Variants in MARCHF2 observed in about 807,000 individuals in gnomAD.
The protein encoded by MARCHF2 is membrane associated ring-CH-type finger 2.
Under a neutral mutation model 24.0 loss-of-function variants are expected in MARCHF2, and 22 were observed. The ratio of observed to expected loss-of-function variants is 0.92; its 90% CI spans 0.66 to 1.31. MARCHF2 has a LOEUF of 1.31. Among genes scored for constraint, MARCHF2 ranks in the 50% most tolerant of loss-of-function variants. The pLI is 0.00. For missense variants in MARCHF2, 301 were observed against 335.3 expected, an observed-to-expected ratio of 0.90 and a Z score of 0.80; for synonymous variants, 154 against 153.0, an observed-to-expected ratio of 1.01 and a Z score of -0.05.
chr19:8,417,748 CTTTTTTTTTTTTTTTT>C (rs71175853), intron 1 of MARCHF2, among the ~76,000 whole-genome samples: 87 of 26,832 alleles, frequency 3.2e-3, no homozygotes, highest in Non-Finnish European at 2.9e-3. Flanking sequence ...AATACCCTGT[CTTTTTTTTTTTTTTTT>C]TTTTTTTTTT....
At position 8,438,414 on chromosome 19, in the gene MARCHF2, G is replaced by A; in HGVS notation, c.609G>A (p.Leu203=). The A allele has an allele frequency of 6.2e-7, 1 of 1,613,938 alleles. No individual in the cohort carries two copies. The highest frequency in any genetic ancestry group is 8.5e-7 in the Non-Finnish European group (1 of 1,180,040). Residue 203 remains leucine (L), a synonymous_variant, in exon 5 of 5, where the codon CTG becomes CTA. Transcript: ENST00000215555. ...TCTCCTTCCGCTACCACTGCCAGCT[G>A]TACTCCGAGTGGAGAAAGACCAACC... is the stretch of plus-strand genomic sequence containing the variant. The part of the protein sequence containing the change: ...TLVSFRYHCQ[L]YSEWRKTNQK...
rs145673350 is a variant in MARCHF2 at position 8,433,010 on chromosome 19, C to T, written c.582+2143C>T. On this transcript the variant is annotated intron_variant, in intron 4 of 4. Coordinates refer to ENST00000215555, the MANE Select transcript of MARCHF2 (RefSeq NM_001005415.2). Reference sequence around the variant, plus strand: ...GAGGCAGGCAGATTGCTTGAGCTTACGAGTTTGAGACCAGCCTGGGCAAAG... The same window carrying T: ...GAGGCAGGCAGATTGCTTGAGCTTATGAGTTTGAGACCAGCCTGGGCAAAG... 3.6e-3 allele frequency among the ~76,000 whole-genome samples: 546 copies of T among 150,170 alleles called. 4 individuals carry two copies. The highest frequency in any genetic ancestry group is 0.013 in the African/African-American group (512 of 40,840).
chr19:8,416,854 A>G (rs1599697816), intron 1 of MARCHF2, among the ~76,000 whole-genome samples: 1 of 152,062 alleles, frequency 6.6e-6, no homozygotes, highest in African/African-American at 2.4e-5. Context: ...GCATGAGCCA[A>G]TGCGCCAGGC....
At position 8,430,746 on chromosome 19, in the gene MARCHF2, T is replaced by C. The variant is rs769158785; in HGVS notation, c.461T>C (p.Ile154Thr). The C allele has an allele frequency of 1.6e-5, 26 of 1,611,636 alleles. No individual in the cohort carries two copies. In the South Asian group the frequency reaches 2.6e-4, roughly 16 times the overall value. ...CFLFITPLAA[I>T]SGWLCLRGAQ... The stretch of plus-strand genomic sequence containing the variant: ...CTGTTCATCACACCGCTGGCCGCCA[T>C]CTCAGGCTGGTTGTGCCTGCGCGGG... The change falls in exon 4 of 5, where the codon ATC becomes ACC. Residue 154 changes from isoleucine to threonine, a missense_variant. Ile to Thr is a moderately conservative substitution (Grantham distance 89). Coordinates refer to ENST00000215555, the MANE Select transcript of MARCHF2 (RefSeq NM_001005415.2). The surrounding 1 kb of genome is among the most constrained non-coding windows in gnomAD (Gnocchi z 4.4).
At chr19:8,427,806 A>C (rs954555986) in intron 3 of MARCHF2, 1 of 36,756 alleles carries the variant, frequency 2.7e-5, no homozygotes, top group African/African-American at 1.1e-4. Flanking sequence ...TACTAAAAAT[A>C]CAAAAAATAC....
At chr19:8,415,443 G>A (rs142553466) in intron 1 of MARCHF2, among the ~76,000 whole-genome samples, 2,476 of 150,800 alleles carry the variant, frequency 0.016, 70 homozygotes, top group African/African-American at 0.057. Context: ...AATAGGCCAG[G>A]CGCGGTGACT....
chr19:8,422,301 G>C (rs1443866051), intron 2 of MARCHF2, among the ~76,000 whole-genome samples: 2 of 152,166 alleles, frequency 1.3e-5, no homozygotes, highest in Non-Finnish European at 2.9e-5. Flanking sequence ...GCGGTCAGGA[G>C]TGCAGGCTGT....
At chr19:8,433,675 C>CAAAAAAA (rs143853447) in intron 4 of MARCHF2, among the ~76,000 whole-genome samples, 1 of 90,712 alleles carries the variant, frequency 1.1e-5, no homozygotes, top group Non-Finnish European at 2.2e-5. Flanking sequence ...GACTCCGTCT[C>CAAAAAAA]AAAAAAAAAA....
In MARCHF2 at chr19:8,428,729, A is replaced by G. The variant is rs968064952; in HGVS notation, c.372+1925A>G. On this transcript the variant is annotated intron_variant, in intron 3 of 4. Coordinates refer to ENST00000215555, the MANE Select transcript of MARCHF2 (RefSeq NM_001005415.2). ...TCACAATCCCAGCACTTTGGGAGGC[A>G]GAGGTGGGTGGATCACCTGAGTTCA... is the stretch of plus-strand genomic sequence containing the variant. Among the ~76,000 whole-genome samples the G allele has an allele frequency of 1.6e-4, 23 of 145,570 alleles. 1 individual carries two copies. Among genetic ancestry groups the G allele is most frequent in the African/African-American group, 5.5e-4 (22 of 39,776 alleles).
intron 3 of MARCHF2, among the ~76,000 whole-genome samples, chr19:8,429,479 C>CTTA (rs144546795): frequency 0.11 from 16,192 of 142,148 alleles, 1,089 homozygotes; most frequent in East Asian, 0.28. Context: ...AATGAAAGAA[C>CTTA]TTATTATTAT....
intron 2 of MARCHF2, among the ~76,000 whole-genome samples, chr19:8,425,874 CA>C (rs1967385231): frequency 6.6e-6 from 1 of 151,716 alleles, no homozygotes; most frequent in Non-Finnish European, 1.5e-5. Context: ...CTTGGCCTCC[CA>C]AAGTACTGGG....
intron 1 of MARCHF2, among the ~76,000 whole-genome samples, chr19:8,420,812 G>A (rs540348857): frequency 6.6e-6 from 1 of 152,164 alleles, no homozygotes; most frequent in East Asian, 1.9e-4. Flanking sequence ...TACCATGCCT[G>A]GCTAATATTT....
intron 2 of MARCHF2, 28 bp downstream of exon 2, chr19:8,422,044 G>A (rs1248023457): frequency 7.6e-6 from 12 of 1,575,792 alleles, no homozygotes; most frequent in Non-Finnish European, 1.0e-5. Context: ...GGATATCCTG[G>A]CCTTTGTTGC....
chr19:8,421,213 C>T (rs1358433670), intron 1 of MARCHF2, among the ~76,000 whole-genome samples: 1 of 151,448 alleles, frequency 6.6e-6, no homozygotes, highest in Non-Finnish European at 1.5e-5. Context: ...ACTTCCCCCT[C>T]CTGGGTTCAA....
Position 8,430,921 on chromosome 19 carries a change from C to G in MARCHF2, c.582+54C>G. 1 of 1,507,634 alleles carries G rather than the reference C, an allele frequency of 6.6e-7. No individual in the cohort carries two copies. The highest frequency in any genetic ancestry group is 8.9e-7 in the Non-Finnish European group (1 of 1,123,252). The allele number at this position is 1,507,634 out of a possible 1,614,324, so 93.4% of individuals were successfully genotyped here. ...TCTCGAGCTCTGCCGCTGGGAGCAG[C>G]AGGGCCAAGGATTTGGCCCCTGGCT... is the stretch of plus-strand genomic sequence containing the variant. On this transcript the variant is annotated intron_variant, in intron 4 of 4. Coordinates refer to ENST00000215555, the MANE Select transcript of MARCHF2 (RefSeq NM_001005415.2). The surrounding 1 kb of genome is among the most constrained non-coding windows in gnomAD (Gnocchi z 4.4).
At chr19:8,436,875 A>T (rs1188465161) in intron 4 of MARCHF2, among the ~76,000 whole-genome samples, 1 of 151,714 alleles carries the variant, frequency 6.6e-6, no homozygotes, top group Admixed American at 6.6e-5. Context: ...TTTTTAATAG[A>T]GATGGGATTT....
chr19:8,428,070 C>G (rs915503527), intron 3 of MARCHF2, among the ~76,000 whole-genome samples: 4 of 152,128 alleles, frequency 2.6e-5, no homozygotes, highest in African/African-American at 7.2e-5. Flanking sequence ...ACCTTCCTGG[C>G]TAACATGGTG....
intron 4 of MARCHF2, among the ~76,000 whole-genome samples, chr19:8,432,357 A>G (rs1333387494): frequency 6.6e-6 from 1 of 151,914 alleles, no homozygotes; most frequent in Non-Finnish European, 1.5e-5. Context: ...CCAGATGCCC[A>G]TCTCTATAAA....
rs780346231 is a variant in MARCHF2, at chr19:8,426,571, G to C, written c.177-38G>C. The C allele has an allele frequency of 7.0e-6, 11 of 1,575,270 alleles. 1 individual carries two copies. Among genetic ancestry groups the C allele is most frequent in the Non-Finnish European group, 9.6e-6 (11 of 1,148,638 alleles). ...GTAGTGAAGCAGGTATAGACAGAAA[G>C]CCCAATCATTGCTCATGGGTCCTAT... On this transcript the variant is annotated intron_variant, in intron 2 of 4. Transcript: ENST00000215555.
Sources: allele counts gnomAD v4.1 joint callset (sites outside exome capture counted in the v4.1 genomes callset), GRCh38; gene constraint gnomAD v4.1.1; non-coding constraint Gnocchi (gnomAD v3.1); transcripts MANE v1.5; gene names NCBI Gene and HGNC (gene_info 2026-07-23, HGNC 2026-07-21).